TEX11: variants seen among roughly 807,000 people sequenced by gnomAD.
TEX11 encodes testis expressed 11, also known as testis-expressed protein 11.
Under a neutral mutation model 84.4 loss-of-function variants are expected in TEX11, and 7 were observed. That is an observed-to-expected ratio of 0.08 (90% CI 0.05 to 0.16). The LOEUF (loss-of-function observed/expected upper bound fraction) is 0.16, where lower values mean the gene tolerates loss of function less well. Ranked by LOEUF, TEX11 falls within the 10% of genes least tolerant of loss-of-function variation. TEX11 has a pLI of 1.00. For synonymous variants in TEX11, 264 were observed against 222.8 expected, an observed-to-expected ratio of 1.18 and a Z score of -1.64; for missense variants, 551 against 660.5, an observed-to-expected ratio of 0.83 and a Z score of 1.82.
intron 25 of TEX11, among the ~76,000 whole-genome samples, chrX:70,564,374 T>G (rs2088422670): frequency 8.9e-6 from 1 of 111,954 alleles, no homozygotes; most frequent in African/African-American, 3.2e-5. Flanking sequence ...GATATTTGTA[T>G]GAGATTGATA....
chrX:70,520,448 A>T, the TEX11 span, among the ~76,000 whole-genome samples: 2 of 112,393 alleles, frequency 1.8e-5, no homozygotes, highest in Non-Finnish European at 3.8e-5. Flanking sequence ...ACAGCCGTGG[A>T]GGCTGCAGAA....
chrX:70,824,627 G>A (rs779081594), intron 8 of TEX11, among the ~76,000 whole-genome samples: 171 of 110,862 alleles, frequency 1.5e-3, no homozygotes, highest in Non-Finnish European at 2.4e-3. Context: ...TTAGAGGACT[G>A]AAAAGGACAG....
intron 9 of TEX11, among the ~76,000 whole-genome samples, chrX:70,755,447 G>C (rs1315108039): frequency 8.9e-6 from 1 of 111,928 alleles, no homozygotes; most frequent in Non-Finnish European, 1.9e-5. Flanking sequence ...TGAGCTTGAA[G>C]ACGGGCTATT....
rs775509131 is a variant in TEX11 at position 70,897,168 on chromosome X, T to A, written c.37+10585A>T. Among the ~76,000 whole-genome samples the A allele has an allele frequency of 6.9e-3, 265 of 38,646 alleles. 1 individual carries two copies. The highest frequency in any genetic ancestry group is 0.015 in the African/African-American group (251 of 16,841). The allele number at this position is 38,646 out of a possible 115,157, so 33.6% of individuals were successfully genotyped here. A position where few individuals can be genotyped will look rare whatever the true frequency, so the allele number is the denominator to read the frequency against. ...TATATTATATATAACATATATATTTTTATATATATGTTATATATAATATAT... is the reference window on the plus strand; with the variant it reads ...TATATTATATATAACATATATATTTATATATATATGTTATATATAATATAT... On this transcript the variant is annotated intron_variant, in intron 2 of 29. Coordinates refer to ENST00000374333, the MANE Select transcript of TEX11 (RefSeq NM_031276.3).
chrX:70,829,040 C>T (rs912960890), intron 8 of TEX11, among the ~76,000 whole-genome samples: 3 of 111,712 alleles, frequency 2.7e-5, no homozygotes, highest in Non-Finnish European at 5.6e-5. Context: ...TAAAGACTTT[C>T]CCAGACAAAC....
At chrX:70,821,997 T>C (rs1313567110) in intron 8 of TEX11, among the ~76,000 whole-genome samples, 1 of 111,664 alleles carries the variant, frequency 9.0e-6, no homozygotes, top group Non-Finnish European at 1.9e-5. Context: ...AAGTCCCTTA[T>C]ATAAAATGGC....
intron 25 of TEX11, among the ~76,000 whole-genome samples, chrX:70,559,578 C>T (rs1312753400): frequency 8.9e-6 from 1 of 112,153 alleles, no homozygotes; most frequent in Admixed American, 9.4e-5. Flanking sequence ...TATCTCAATA[C>T]AATTGTTTGA....
At chrX:70,899,845 TAAAAAAAAAAAAAAAAA>T (rs746225121) in intron 2 of TEX11, among the ~76,000 whole-genome samples, 5 of 30,600 alleles carry the variant, frequency 1.6e-4, no homozygotes, top group Admixed American at 5.2e-4. Context: ...GGTCCTGTAT[TAAAAAAAAAAAAAAAAA>T]AAAAAAAAGG....
intron 9 of TEX11, among the ~76,000 whole-genome samples, chrX:70,788,460 C>T (rs1287735292): frequency 9.1e-6 from 1 of 110,454 alleles, no homozygotes; most frequent in Non-Finnish European, 1.9e-5. Context: ...TGGATATCCA[C>T]ACACAGAAGA....
chrX:70,777,549 T>C (rs2091010020), intron 9 of TEX11, among the ~76,000 whole-genome samples: 1 of 111,850 alleles, frequency 8.9e-6, no homozygotes, highest in Admixed American at 9.5e-5. Context: ...CTCGGGAGGC[T>C]GAGGCAGGAG....
chrX:70,770,500 G>A (rs1246831662), intron 9 of TEX11, among the ~76,000 whole-genome samples: 3 of 110,797 alleles, frequency 2.7e-5, no homozygotes, highest in Non-Finnish European at 5.7e-5. Context: ...TGGGTGCAGC[G>A]CACCAGCATG....
intron 9 of TEX11, among the ~76,000 whole-genome samples, chrX:70,786,755 T>C (rs1377602767): frequency 1.8e-5 from 2 of 111,987 alleles, no homozygotes; most frequent in Non-Finnish European, 3.8e-5. Flanking sequence ...ATGGAATAGT[T>C]CAAAATATGC....
chrX:70,758,202 T>A (rs1253068272), intron 9 of TEX11, among the ~76,000 whole-genome samples: 3 of 111,632 alleles, frequency 2.7e-5, no homozygotes, highest in Admixed American at 9.5e-5. Context: ...ACTGTCAATA[T>A]TAGACAGATC....
At chrX:70,526,711 A>T (rs1268940454), downstream of TEX11, among the ~76,000 whole-genome samples, 1 of 111,723 alleles carries the variant, frequency 9.0e-6, no homozygotes, top group Non-Finnish European at 1.9e-5. Context: ...CACTGAGAGG[A>T]CCTAGAAATA....
chrX:70,852,002 C>T (rs1463689358), intron 7 of TEX11, among the ~76,000 whole-genome samples: 1 of 111,722 alleles, frequency 9.0e-6, no homozygotes, highest in Non-Finnish European at 1.9e-5. Context: ...ACTGCTAATG[C>T]TGATGGGGAT....
In TEX11 at chrX:70,660,948, C is replaced by A. The variant is rs767103139; in HGVS notation, c.1381-9396G>T. 2.7e-5 allele frequency among the ~76,000 whole-genome samples: 3 copies of A among 111,866 alleles called. No homozygotes were observed. In the South Asian group the frequency reaches 1.1e-3, roughly 42 times the overall value. ...TCCAGTCTACAGCTCCCAGTGTGAG[C>A]GACACAGAAGACAAATGATTTCTGC... On this transcript the variant is annotated intron_variant, in intron 16 of 29. Coordinates refer to ENST00000374333, the MANE Select transcript of TEX11 (RefSeq NM_031276.3).
chrX:70,808,601 G>C (rs1322845115), intron 8 of TEX11, among the ~76,000 whole-genome samples: 1 of 108,997 alleles, frequency 9.2e-6, no homozygotes, highest in Non-Finnish European at 1.9e-5. Context: ...ATAAATGCCT[G>C]AAGGGATGAA....
chrX:70,632,937 A>G (rs1021913727), intron 17 of TEX11, among the ~76,000 whole-genome samples: 9 of 111,931 alleles, frequency 8.0e-5, no homozygotes, highest in African/African-American at 1.6e-4. Context: ...AAACCTTTGC[A>G]TAAAGAAAAC....
intron 11 of TEX11, among the ~76,000 whole-genome samples, chrX:70,728,622 G>A (rs755352027): frequency 3.6e-5 from 4 of 111,255 alleles, no homozygotes; most frequent in East Asian, 5.7e-4. Context: ...GGGGAGGGGC[G>A]CCCACCATTG....
Sources: allele counts gnomAD v4.1 joint callset (sites outside exome capture counted in the v4.1 genomes callset), GRCh38; gene constraint gnomAD v4.1.1; transcripts MANE v1.5; gene names NCBI Gene and HGNC (gene_info 2026-07-23, HGNC 2026-07-21).